Variants in PLPP4 observed in about 807,000 individuals in gnomAD.
PLPP4 encodes the protein phospholipid phosphatase 4.
In PLPP4, 20 loss-of-function variants were observed where a neutral mutation model predicts 32.2. That is an observed-to-expected ratio of 0.62 (90% CI 0.44 to 0.90). The LOEUF (loss-of-function observed/expected upper bound fraction) is 0.90. PLPP4 is among the 40% of genes least tolerant of loss of function. The pLI is 0.00. For synonymous variants in PLPP4, 127 were observed against 133.0 expected (o/e 0.95, Z 0.31); for missense variants, 257 against 353.1 (o/e 0.73, Z 2.18).
At chr10:120,574,164 ACACACTCTCT>A (rs771955025) in intron 5 of PLPP4, among the ~76,000 whole-genome samples, 1,544 of 65,436 alleles carry the variant, frequency 0.024, 6 homozygotes, top group Admixed American at 0.031. Flanking sequence ...ACACACACAC[ACACACTCTCT>A]CTCTCTCTCT....
intron 5 of PLPP4, among the ~76,000 whole-genome samples, chr10:120,528,524 C>G (rs963960596): frequency 6.6e-6 from 1 of 152,238 alleles, no homozygotes; most frequent in Non-Finnish European, 1.5e-5. Context: ...CCCAGATTCA[C>G]TGATATGTCA....
chr10:120,481,228 A>G (rs184003811), intron 1 of PLPP4, among the ~76,000 whole-genome samples: 5 of 152,280 alleles, frequency 3.3e-5, no homozygotes, highest in South Asian at 4.1e-4. Context: ...CCCTTGTGCT[A>G]TGGAAAGCAC....
In PLPP4 at chr10:120,462,948, A is replaced by G. The variant is rs148284542; in HGVS notation, c.56+5587A>G. The stretch of plus-strand genomic sequence containing the variant: ...AGTTTTGGGGTTGATTGGCTACTCT[A>G]CCATCAGTCCTTTCTATGTAATGAA... On this transcript the variant is annotated intron_variant, in intron 1 of 6. Transcript: ENST00000398250. Among the ~76,000 whole-genome samples, 12 of 151,028 alleles carry G rather than the reference A, an allele frequency of 7.9e-5. No individual in the cohort carries two copies. The East Asian group carries it at 2.1e-3, about 27-fold the overall frequency.
chr10:120,574,168 ACTCTCTCTCTCT>A (rs58917160), intron 5 of PLPP4, among the ~76,000 whole-genome samples: 1,599 of 46,666 alleles, frequency 0.034, 10 homozygotes, highest in Middle Eastern at 0.059. Flanking sequence ...ACACACACAC[ACTCTCTCTCTCT>A]CTCTCTCTCT....
chr10:120,514,140 A>G (rs575130156), intron 3 of PLPP4, 139 bp downstream of exon 3: 1 of 730,412 alleles, frequency 1.4e-6, no homozygotes, highest in South Asian at 1.6e-5. Context: ...TAAGATAAAG[A>G]TAAACTTTAA....
chr10:120,528,069 G>GTTTTTTTTTTTTTTTTTTTTTTT (rs35501001), intron 5 of PLPP4, among the ~76,000 whole-genome samples: 1 of 84,270 alleles, frequency 1.2e-5, no homozygotes, highest in Non-Finnish European at 2.2e-5. Flanking sequence ...ACCACTCTCC[G>GTTTTTTTTTTTTTTTTTTTTTTT]TTTTTTTTTT....
chr10:120,527,777 T>C (rs2133926138), intron 5 of PLPP4, among the ~76,000 whole-genome samples: 1 of 152,286 alleles, frequency 6.6e-6, no homozygotes, highest in Admixed American at 6.5e-5. Context: ...ACCAGCTGCG[T>C]GTCTGGGAGT....
In PLPP4 at chr10:120,462,835, A is replaced by C. The variant is rs1202967076; in HGVS notation, c.56+5474A>C. On this transcript the variant is annotated intron_variant, in intron 1 of 6. Transcript: ENST00000398250. ...TCTAGCGAATGGATGGCAGCACCGC[A>C]GGGTGGAGGCAGCAGGCGGTGGCCC... is the stretch of plus-strand genomic sequence containing the variant. Among the ~76,000 whole-genome samples the C allele has an allele frequency of 1.3e-5, 2 of 152,054 alleles. 1 individual carries two copies.
intron 5 of PLPP4, among the ~76,000 whole-genome samples, chr10:120,541,025 A>G (rs1167042467): frequency 6.6e-6 from 1 of 152,200 alleles, no homozygotes; most frequent in Admixed American, 6.5e-5. Flanking sequence ...TTTTCTGTAT[A>G]TTCGTAACCA....
intron 1 of PLPP4, among the ~76,000 whole-genome samples, chr10:120,500,689 T>C (rs867984627): frequency 5.7e-4 from 3 of 5,234 alleles, no homozygotes; most frequent in Non-Finnish European, 4.3e-4. Context: ...GGTGGGGGGG[T>C]GGGGTGGGGT....
intron 6 of PLPP4, among the ~76,000 whole-genome samples, chr10:120,576,636 G>A (rs894479679): frequency 2.0e-5 from 3 of 152,234 alleles, no homozygotes; most frequent in African/African-American, 7.2e-5. Context: ...TATAGGGAAA[G>A]AGATGCTGAC....
chr10:120,460,721 G>T (rs547221808), intron 1 of PLPP4, among the ~76,000 whole-genome samples: 1 of 152,158 alleles, frequency 6.6e-6, no homozygotes, highest in Non-Finnish European at 1.5e-5. Flanking sequence ...CAATCACTTT[G>T]CTTCATAAAA....
At chr10:120,566,264 G>T (rs183741492) in intron 5 of PLPP4, among the ~76,000 whole-genome samples, 1 of 152,164 alleles carries the variant, frequency 6.6e-6, no homozygotes, top group African/African-American at 2.4e-5. Context: ...TTTCCTAGAA[G>T]TTTATTTTTT....
intron 1 of PLPP4, among the ~76,000 whole-genome samples, chr10:120,461,442 C>T (rs1481165339): frequency 2.0e-5 from 3 of 152,168 alleles, no homozygotes; most frequent in Non-Finnish European, 4.4e-5. Flanking sequence ...AGTTCCTTGG[C>T]GTCTTATCTT....
Position 120,468,708 on chromosome 10 carries a change from G to C in PLPP4, c.56+11347G>C, listed in dbSNP as rs1484500557. 1.4e-4 allele frequency among the ~76,000 whole-genome samples: 9 copies of C among 65,144 alleles called. 4 individuals are homozygous for C. Among genetic ancestry groups the C allele is most frequent in the Non-Finnish European group, 8.9e-5 (2 of 22,366 alleles). 42.7% of individuals were successfully genotyped at this position (65,144 alleles called of 152,430 possible). A position where few individuals can be genotyped will look rare whatever the true frequency, so the allele number is the denominator to read the frequency against. On this transcript the variant is annotated intron_variant, in intron 1 of 6. Transcript: ENST00000398250. ...GAATGATTTTTTTGTGTTTGCTTTA[G>C]AAATATTTAAAGTGACAATGTGTCA...
At chr10:120,582,879 G>C (rs1017412146) in intron 6 of PLPP4, among the ~76,000 whole-genome samples, 2 of 150,122 alleles carry the variant, frequency 1.3e-5, no homozygotes, top group Non-Finnish European at 3.0e-5. Context: ...ACTGGGCTCA[G>C]TACTGAGTAA....
At chr10:120,517,921 A>G (rs1845997637) in intron 3 of PLPP4, among the ~76,000 whole-genome samples, 1 of 152,186 alleles carries the variant, frequency 6.6e-6, no homozygotes, top group South Asian at 2.1e-4. Flanking sequence ...TGAACAGTTA[A>G]TATTTGCCAA....
intron 1 of PLPP4, among the ~76,000 whole-genome samples, chr10:120,480,871 A>G (rs1395941517): frequency 6.6e-6 from 1 of 152,088 alleles, no homozygotes; most frequent in Non-Finnish European, 1.5e-5. Context: ...GTTGGGCTCT[A>G]CTTTATCTGA....
chr10:120,589,162 T>C, intron 6 of PLPP4, 141 bp from the exon 7 acceptor site: 2 of 730,310 alleles, frequency 2.7e-6, no homozygotes, highest in Middle Eastern at 5.4e-4. Flanking sequence ...CCACTGTGGT[T>C]TCTTTCCTTT....
Sources: allele counts gnomAD v4.1 joint callset (sites outside exome capture counted in the v4.1 genomes callset), GRCh38; gene constraint gnomAD v4.1.1; transcripts MANE v1.5; gene names NCBI Gene and HGNC (gene_info 2026-07-23, HGNC 2026-07-21).